PCDH11X: variants seen among roughly 807,000 people sequenced by gnomAD.
PCDH11X encodes protocadherin 11 X-linked, also known as protocadherin-11 X-linked.
A neutral mutation model predicts 53.3 loss-of-function variants in PCDH11X; 18 were observed. That is an observed-to-expected ratio of 0.34 (90% confidence interval 0.23 to 0.50). The LOEUF (loss-of-function observed/expected upper bound fraction) is 0.50, where lower values mean the gene tolerates loss of function less well. Among genes scored for constraint, PCDH11X ranks in the 20% least tolerant of loss-of-function variants. The pLI is 0.98. For synonymous variants in PCDH11X, 279 were observed against 393.3 expected (o/e 0.71, Z 3.44); for missense variants, 570 against 1,032.4 (o/e 0.55, Z 6.14).
At chrX:92,500,032 C>T (rs1184176897) in intron 10 of PCDH11X, among the ~76,000 whole-genome samples, 1 of 110,739 alleles carries the variant, frequency 9.0e-6, no homozygotes, top group African/African-American at 3.3e-5. Context: ...CTGTGTAACA[C>T]ACACTTCTAG....
At chrX:91,963,755 A>C (rs1260002421) in intron 6 of PCDH11X, among the ~76,000 whole-genome samples, 1 of 111,260 alleles carries the variant, frequency 9.0e-6, no homozygotes, top group African/African-American at 3.3e-5. Flanking sequence ...GTAAAGGAAA[A>C]ATATTTAATC....
chrX:92,451,526 C>A (rs1018086679), intron 9 of PCDH11X, among the ~76,000 whole-genome samples: 17 of 84,894 alleles, frequency 2.0e-4, no homozygotes, highest in African/African-American at 6.3e-4. Context: ...CAATCATTCA[C>A]CACTTGAGTT....
chrX:92,428,395 G>T (rs1157341390), intron 9 of PCDH11X, among the ~76,000 whole-genome samples: 2 of 110,970 alleles, frequency 1.8e-5, no homozygotes, highest in Non-Finnish European at 3.8e-5. Context: ...ATAGAGTAAG[G>T]CAGGAGCATG....
At chrX:92,351,104 C>T (rs894288340) in intron 8 of PCDH11X, among the ~76,000 whole-genome samples, 1 of 111,859 alleles carries the variant, frequency 8.9e-6, no homozygotes, top group Non-Finnish European at 1.9e-5. Context: ...TACTTTACTG[C>T]GATCACGGGT....
intron 6 of PCDH11X, among the ~76,000 whole-genome samples, chrX:92,012,056 A>G (rs2062700702): frequency 9.0e-6 from 1 of 111,191 alleles, no homozygotes; most frequent in Admixed American, 9.7e-5. Flanking sequence ...ATATGGGGCC[A>G]TTACAGCAAC....
At chrX:91,886,471 A>G (rs1602429653) in intron 6 of PCDH11X, among the ~76,000 whole-genome samples, 1 of 110,915 alleles carries the variant, frequency 9.0e-6, no homozygotes, top group East Asian at 2.8e-4. Flanking sequence ...TAAACAAAAA[A>G]TACTGAAATA....
At chrX:92,007,522 C>T (rs906323386) in intron 6 of PCDH11X, among the ~76,000 whole-genome samples, 1 of 111,679 alleles carries the variant, frequency 9.0e-6, no homozygotes, top group Non-Finnish European at 1.9e-5. Flanking sequence ...TCTCCTCTGA[C>T]TCAGGTCAGG....
intron 5 of PCDH11X, among the ~76,000 whole-genome samples, chrX:91,836,293 A>AAGG (rs58523619): frequency 0.056 from 5,663 of 101,686 alleles, 906 homozygotes; most frequent in African/African-American, 0.25. Context: ...GGGATCAGAC[A>AAGG]AGGTCAGCCC....
chrX:91,854,298 G>GATCC (rs1241782853), intron 5 of PCDH11X, among the ~76,000 whole-genome samples: 1 of 111,870 alleles, frequency 8.9e-6, no homozygotes, highest in East Asian at 2.8e-4. Flanking sequence ...TTAACATAAT[G>GATCC]ATCCATCCAT....
chrX:92,098,773 G>A (rs1190440230), intron 6 of PCDH11X, among the ~76,000 whole-genome samples: 4 of 105,476 alleles, frequency 3.8e-5, no homozygotes, highest in African/African-American at 6.9e-5. Context: ...TCAGCCTCCC[G>A]AGTAGCTGGG....
At chrX:91,793,119 T>C (rs1033004499) in intron 1 of PCDH11X, among the ~76,000 whole-genome samples, 1 of 106,122 alleles carries the variant, frequency 9.4e-6, no homozygotes, top group African/African-American at 3.4e-5. Flanking sequence ...GGCAGATTTT[T>C]TTTCATCTGA....
At chrX:91,947,383 A>G (rs945009190) in intron 6 of PCDH11X, among the ~76,000 whole-genome samples, 8 of 103,624 alleles carry the variant, frequency 7.7e-5, no homozygotes, top group Non-Finnish European at 1.4e-4. Flanking sequence ...GAACATTTAT[A>G]CACTTCCAAG....
chrX:91,964,071 C>T (rs1236076232), intron 6 of PCDH11X, among the ~76,000 whole-genome samples: 2 of 108,414 alleles, frequency 1.8e-5, no homozygotes, highest in East Asian at 2.9e-4. Flanking sequence ...TATCAAGCAA[C>T]ATCAAAATTA....
intron 6 of PCDH11X, among the ~76,000 whole-genome samples, chrX:91,928,397 A>G (rs1942018889): frequency 9.6e-6 from 1 of 104,187 alleles, no homozygotes; most frequent in Non-Finnish European, 2.0e-5. Context: ...CCCTGATTAA[A>G]TTTATTAGGC....
chrX:92,338,034 G>A (rs1254688448), intron 8 of PCDH11X, among the ~76,000 whole-genome samples: 1 of 110,983 alleles, frequency 9.0e-6, no homozygotes, highest in South Asian at 3.8e-4. Flanking sequence ...GAGAGGGTTG[G>A]GGGGGTGTGG....
At chrX:92,236,468 C>T (rs899619113) in intron 7 of PCDH11X, among the ~76,000 whole-genome samples, 1 of 111,505 alleles carries the variant, frequency 9.0e-6, no homozygotes, top group African/African-American at 3.2e-5. Flanking sequence ...TAACCAATTC[C>T]TCTTATGACT....
intron 8 of PCDH11X, among the ~76,000 whole-genome samples, chrX:92,316,790 G>T (rs2069085893): frequency 9.0e-6 from 1 of 110,787 alleles, no homozygotes; most frequent in African/African-American, 3.3e-5. Flanking sequence ...AAGGGATTTA[G>T]ATTTGGTAGA....
intron 5 of PCDH11X, among the ~76,000 whole-genome samples, chrX:91,866,559 C>T (rs932054459): frequency 9.9e-5 from 11 of 111,415 alleles, no homozygotes; most frequent in African/African-American, 2.9e-4. Context: ...TTCTTCCTCC[C>T]CCAGTGCCCA....
intron 9 of PCDH11X, among the ~76,000 whole-genome samples, chrX:92,455,806 A>T (rs2072897683): frequency 1.2e-5 from 1 of 85,393 alleles, no homozygotes; most frequent in Admixed American, 1.4e-4. Context: ...TTTGTTATTC[A>T]AGATATGAGT....
Sources: allele counts gnomAD v4.1 joint callset (sites outside exome capture counted in the v4.1 genomes callset), GRCh38; gene constraint gnomAD v4.1.1; transcripts MANE v1.5; gene names NCBI Gene and HGNC (gene_info 2026-07-23, HGNC 2026-07-21).